SHISA9: variants seen among roughly 807,000 people sequenced by gnomAD.
SHISA9 encodes shisa family member 9, also known as protein shisa-9.
In SHISA9, 13 loss-of-function variants were observed where a neutral mutation model predicts 38.0. The ratio of observed to expected loss-of-function variants is 0.34; its 90% CI spans 0.22 to 0.54. SHISA9 has a LOEUF of 0.54. Ranked by LOEUF, SHISA9 falls within the 20% of genes least tolerant of loss-of-function variation. SHISA9 has a pLI of 0.91. For missense variants in SHISA9, 538 were observed against 575.8 expected (o/e 0.93, Z 0.67); for synonymous variants, 275 against 242.0 (o/e 1.14, Z -1.27).
the SHISA9 span, among the ~76,000 whole-genome samples, chr16:13,469,320 G>GAGAGAGAA: frequency 2.2e-3 from 134 of 61,600 alleles, 1 homozygote; most frequent in African/African-American, 4.3e-3. Context: ...GAGAGAGAGA[G>GAGAGAGAA]AGAAAGAAAG....
the SHISA9 span, among the ~76,000 whole-genome samples, chr16:13,278,535 C>A: frequency 6.6e-6 from 1 of 152,034 alleles, no homozygotes; most frequent in Non-Finnish European, 1.5e-5. Context: ...TGCTGTGAAT[C>A]CATCTGGTCC....
chr16:13,277,924 A>G, the SHISA9 span, among the ~76,000 whole-genome samples: 2 of 151,768 alleles, frequency 1.3e-5, no homozygotes, highest in Non-Finnish European at 2.9e-5. Context: ...CCTTGTCTTA[A>G]TGTTCTGGCT....
At chr16:13,256,278 A>G in the SHISA9 span, among the ~76,000 whole-genome samples, 1 of 148,080 alleles carries the variant, frequency 6.8e-6, no homozygotes, top group Non-Finnish European at 1.5e-5. Context: ...GTATATGTGT[A>G]TGTATTTATT....
At chr16:13,194,200 C>T (rs1346012779) in intron 2 of SHISA9, among the ~76,000 whole-genome samples, 3 of 135,074 alleles carry the variant, frequency 2.2e-5, no homozygotes, top group East Asian at 2.1e-4. Context: ...CTTAATATGC[C>T]GAAAGGTGGA....
chr16:13,039,288 A>G (rs763743177), intron 2 of SHISA9, among the ~76,000 whole-genome samples: 3 of 152,182 alleles, frequency 2.0e-5, no homozygotes, highest in Non-Finnish European at 4.4e-5. Flanking sequence ...ATATGATTCG[A>G]CTTGAACTCT....
At chr16:13,060,275 T>C (rs927545343) in intron 2 of SHISA9, among the ~76,000 whole-genome samples, 3 of 152,154 alleles carry the variant, frequency 2.0e-5, no homozygotes, top group Non-Finnish European at 4.4e-5. Context: ...CAGAAGCTGC[T>C]GGTGAGGAAG....
the SHISA9 span, among the ~76,000 whole-genome samples, chr16:13,257,201 GC>G: frequency 6.6e-6 from 1 of 152,176 alleles, no homozygotes; most frequent in African/African-American, 2.4e-5. Context: ...CCCAGGACAA[GC>G]TTTTCTTTCT....
At chr16:13,301,316 C>T in the SHISA9 span, among the ~76,000 whole-genome samples, 68 of 152,294 alleles carry the variant, frequency 4.5e-4, no homozygotes, top group African/African-American at 1.4e-3. Flanking sequence ...GCAGAAGAAC[C>T]ACTTGGAGAG....
At chr16:13,324,078 G>A in the SHISA9 span, among the ~76,000 whole-genome samples, 178 of 152,276 alleles carry the variant, frequency 1.2e-3, 1 homozygote, top group East Asian at 2.7e-3. Flanking sequence ...TCGTGCCATC[G>A]ATGTATCTGC....
chr16:13,370,347 G>C, the SHISA9 span, among the ~76,000 whole-genome samples: 1 of 152,172 alleles, frequency 6.6e-6, no homozygotes, highest in East Asian at 1.9e-4. Flanking sequence ...TGGGGACCAG[G>C]TCTTTAAAAT....
chr16:13,263,648 T>C, the SHISA9 span, among the ~76,000 whole-genome samples: 1 of 152,202 alleles, frequency 6.6e-6, no homozygotes, highest in African/African-American at 2.4e-5. Flanking sequence ...ATCCAGTCTC[T>C]GGCATTTCTT....
the SHISA9 span, among the ~76,000 whole-genome samples, chr16:13,388,351 G>T: frequency 1.1e-4 from 17 of 148,240 alleles, no homozygotes; most frequent in Admixed American, 4.7e-4. Context: ...TCACTCTGTT[G>T]CCTGGGCTGG....
intron 2 of SHISA9, among the ~76,000 whole-genome samples, chr16:12,932,987 C>T (rs1451254588): frequency 6.6e-6 from 1 of 152,008 alleles, no homozygotes; most frequent in Non-Finnish European, 1.5e-5. Flanking sequence ...CCTCAAAGGA[C>T]TTATGATTTT....
chr16:13,471,209 T>C, the SHISA9 span, among the ~76,000 whole-genome samples: 1 of 152,048 alleles, frequency 6.6e-6, no homozygotes, highest in Non-Finnish European at 1.5e-5. Flanking sequence ...ACACCCTTAA[T>C]ATGGGGCTGA....
At chr16:13,560,040 G>A in the SHISA9 span, among the ~76,000 whole-genome samples, 1 of 152,242 alleles carries the variant, frequency 6.6e-6, no homozygotes, top group Non-Finnish European at 1.5e-5. Flanking sequence ...AAACAAGAGA[G>A]AGAATTCATT....
chr16:13,049,841 T>C lies in SHISA9; in HGVS notation c.691+133026T>C, dbSNP rs971932902. Among the ~76,000 whole-genome samples, 3 of 151,982 alleles carry C rather than the reference T, an allele frequency of 2.0e-5. No homozygotes were observed. In the East Asian group the frequency reaches 5.8e-4, roughly 29 times the overall value. ...ATGCTCAAACTTGGGAGGGTCTGAATGGGGGTTCTGATCCTGCCTCTCGGT... is the reference window on the plus strand; with the variant it reads ...ATGCTCAAACTTGGGAGGGTCTGAACGGGGGTTCTGATCCTGCCTCTCGGT... On this transcript the variant is annotated intron_variant, in intron 2 of 4. Coordinates refer to ENST00000558583, the MANE Select transcript of SHISA9 (RefSeq NM_001145204.3).
At chr16:13,385,448 A>T in the SHISA9 span, among the ~76,000 whole-genome samples, 1 of 151,702 alleles carries the variant, frequency 6.6e-6, no homozygotes, top group African/African-American at 2.4e-5. Flanking sequence ...ATACCATGAA[A>T]TAGTACTCAG....
At chr16:13,370,262 C>T in the SHISA9 span, among the ~76,000 whole-genome samples, 3 of 152,216 alleles carry the variant, frequency 2.0e-5, no homozygotes, top group African/African-American at 7.2e-5. Context: ...GTGCTGGTTA[C>T]CTTTTCTGCT....
At chr16:13,175,054 C>A (rs889677521) in intron 2 of SHISA9, among the ~76,000 whole-genome samples, 5 of 152,150 alleles carry the variant, frequency 3.3e-5, no homozygotes, top group African/African-American at 1.2e-4. Context: ...CTCTTGGCTT[C>A]ACTTTCCGTC....
Sources: allele counts gnomAD v4.1 joint callset (sites outside exome capture counted in the v4.1 genomes callset), GRCh38; gene constraint gnomAD v4.1.1; transcripts MANE v1.5; gene names NCBI Gene and HGNC (gene_info 2026-07-23, HGNC 2026-07-21).